GRIN2C: variants seen among roughly 807,000 people sequenced by gnomAD.
The protein encoded by GRIN2C is glutamate receptor ionotropic, NMDA 2C.
In GRIN2C, 64 loss-of-function variants were observed where a neutral mutation model predicts 77.7. The ratio of observed to expected loss-of-function variants is 0.82; its 90% CI spans 0.67 to 1.01. GRIN2C has a LOEUF of 1.01. GRIN2C is among the 50% of genes least tolerant of loss of function. The pLI, the probability that GRIN2C is intolerant of heterozygous loss-of-function variation, is 0.00. For missense variants in GRIN2C, 1,549 were observed against 1,486.0 expected (o/e 1.04, Z -0.70); for synonymous variants, 792 against 643.4 (o/e 1.23, Z -3.49).
At chr17:74,844,890 G>C (rs2037409473) in intron 11 of GRIN2C, among the ~76,000 whole-genome samples, 1 of 152,122 alleles carries the variant, frequency 6.6e-6, no homozygotes, top group Non-Finnish European at 1.5e-5. Flanking sequence ...AAAAGGCCTA[G>C]GCTCCTAAGA....
rs751362353 is a variant in GRIN2C, at chr17:74,846,259, G to A, written c.2163-6C>T. On this transcript the variant is annotated splice_region_variant and splice_polypyrimidine_tract_variant and intron_variant, in intron 10 of 12. Transcript: ENST00000293190. This position sits in a 1 kb window ranked among gnomAD's most constrained non-coding sequence, Gnocchi z 4.4. ...AGATGAAGGCATCCAGCTTCCTGGG[G>A]ACAGGCTGAGCCTCAGAGCTAGGGA... The A allele has an allele frequency of 3.1e-6, 5 of 1,613,596 alleles. No individual in the cohort carries two copies. Among genetic ancestry groups the A allele is most frequent in the Non-Finnish European group, 4.2e-6 (5 of 1,179,628 alleles).
Position 74,842,943 on chromosome 17 carries a change from G to A in GRIN2C, c.3194C>T (p.Ala1065Val). The part of the protein sequence containing the change: ...LGPEQLARRE[A>V]LLHAAWARGS... ...CCGGGCCCAGGCCGCGTGCAGCAGG[G>A]CCTCCCGCCGGGCCAGCTGCTCCGG... Residue 1065 changes from alanine (A) to valine (V), a missense_variant, in exon 13 of 13, where the codon GCC becomes GTC. By Grantham distance (64) the Ala-to-Val change is moderately conservative. Coordinates refer to ENST00000293190, the MANE Select transcript of GRIN2C (RefSeq NM_000835.6). 1.8e-6 allele frequency: 1 copy of A among 557,710 alleles called. No homozygotes were observed. 34.5% of individuals were successfully genotyped at this position (557,710 alleles called of 1,614,324 possible).
At position 74,849,640 on chromosome 17, in the gene GRIN2C, C is replaced by G. The variant is rs2037569203; in HGVS notation, c.1645+140G>C. On this transcript the variant is annotated intron_variant, in intron 7 of 12. Coordinates refer to ENST00000293190, the MANE Select transcript of GRIN2C (RefSeq NM_000835.6). The surrounding 1 kb of genome is among the most constrained non-coding windows in gnomAD (Gnocchi z 4.6). ...TCTCCTGTCTCCTTTCCACTCACCT[C>G]CAGCCAACCTCCAAGACCCAAGGCT... 8 of 752,588 alleles carry G rather than the reference C, an allele frequency of 1.1e-5. No homozygotes were observed. The highest frequency in any genetic ancestry group is 1.5e-5 in the Non-Finnish European group (7 of 462,820). 46.6% of individuals were successfully genotyped at this position (752,588 alleles called of 1,614,324 possible).
upstream of GRIN2C, chr17:74,861,320 C>G (rs1269109190): frequency 2.0e-5 from 3 of 152,218 alleles, no homozygotes; most frequent in Non-Finnish European, 4.4e-5. Flanking sequence ...GGGTCCAACC[C>G]CCCGGGTGTC....
intron 1 of GRIN2C, among the ~76,000 whole-genome samples, chr17:74,856,597 GC>G (rs982228634): frequency 2.0e-5 from 3 of 151,632 alleles, no homozygotes; most frequent in Admixed American, 1.3e-4. Flanking sequence ...TCCTGCCTCG[GC>G]CTCCCAAGTA....
At chr17:74,860,398 G>A, upstream of GRIN2C, 1 of 456,594 alleles carries the variant, frequency 2.2e-6, no homozygotes, top group South Asian at 1.5e-5. Context: ...GAAACCGAGT[G>A]GACGAATGGG....
Position 74,851,643 on chromosome 17 carries a change from A to C in GRIN2C, c.1047T>G (p.Pro349=). 6.3e-7 allele frequency: 1 copy of C among 1,575,076 alleles called. No individual in the cohort carries two copies. The highest frequency in any genetic ancestry group is 8.6e-7 in the Non-Finnish European group (1 of 1,159,482). ...TWEGRDFSFS[P]GGYLVQPTMV... ...TGGTGGGCTGGACCAGGTACCCACCAGGGCTGAAGGAGAAGTCTCGGCCCT... is the reference window on the plus strand; with the variant it reads ...TGGTGGGCTGGACCAGGTACCCACCCGGGCTGAAGGAGAAGTCTCGGCCCT... The change falls in exon 4 of 13, where the codon CCT becomes CCG. Residue 349 remains proline, a synonymous_variant. Coordinates refer to ENST00000293190, the MANE Select transcript of GRIN2C (RefSeq NM_000835.6).
chr17:74,846,899 A>C lies in GRIN2C; in HGVS notation c.2023T>G (p.Tyr675Asp). ...ACCGTGCCGAAGCGGAAAGGTGGGT[A>C]CTGATCTTGAGGCCGCTGAAACTGC... ...DKKFQRPQDQ[Y>D]PPFRFGTVPN... The change falls in exon 10 of 13, where the codon TAC (tyrosine) becomes GAC (aspartate). Residue 675 changes from tyrosine (Y) to aspartate (D), a missense_variant. Coordinates refer to ENST00000293190, the MANE Select transcript of GRIN2C (RefSeq NM_000835.6). The surrounding 1 kb of genome is among the most constrained non-coding windows in gnomAD (Gnocchi z 4.4). 1 of 1,612,388 alleles carries C rather than the reference A, an allele frequency of 6.2e-7. No individual in the cohort carries two copies. Among genetic ancestry groups the C allele is most frequent in the Non-Finnish European group, 8.5e-7 (1 of 1,178,790 alleles).
chr17:74,860,251 G>A (rs1057393116), upstream of GRIN2C, among the ~76,000 whole-genome samples: 1 of 152,256 alleles, frequency 6.6e-6, no homozygotes, highest in South Asian at 2.1e-4. Flanking sequence ...AATACAGCCA[G>A]CGGAATGGTA....
In GRIN2C at chr17:74,844,420, G is replaced by A; in HGVS notation, c.2439C>T (p.Asp813=). The change falls in exon 12 of 13, where the codon GAC becomes GAT. Residue 813 remains aspartate, a synonymous_variant. Transcript: ENST00000293190. The part of the protein sequence containing the change: ...NEVMSSKLDI[D]NMAGVFYMLL... ...GCATGTAGAAGACGCCTGCCATGTT[G>A]TCGATGTCCAGCTTGCTGCTCATCA... 6.2e-7 allele frequency: 1 copy of A among 1,614,234 alleles called. No homozygotes were observed. The highest frequency in any genetic ancestry group is 8.5e-7 in the Non-Finnish European group (1 of 1,180,042).
Position 74,855,112 on chromosome 17 carries a change from G to A in GRIN2C, c.-15-5C>T, listed in dbSNP as rs749103401. 4.4e-5 allele frequency: 69 copies of A among 1,552,614 alleles called. No individual in the cohort carries two copies. Among genetic ancestry groups the A allele is most frequent in the African/African-American group, 6.8e-5 (5 of 73,458 alleles). On this transcript the variant is annotated splice_polypyrimidine_tract_variant and splice_region_variant and intron_variant, in intron 1 of 12. Transcript: ENST00000293190. ...ACCCATGTCCACCGGAGGGTCCTGC[G>A]GAGAGACCAGAACAAGCACAGGGAG...
chr17:74,858,877 C>A (rs940103695), intron 1 of GRIN2C, among the ~76,000 whole-genome samples: 1 of 152,034 alleles, frequency 6.6e-6, no homozygotes, highest in African/African-American at 2.4e-5. Flanking sequence ...GCTGGAATGT[C>A]CTCATCCCAA....
rs2037604301 is a variant in GRIN2C at position 74,850,491 on chromosome 17, CACG to C, written c.1325+62_1325+64del. On this transcript the variant is annotated intron_variant, in intron 5 of 12. Coordinates refer to ENST00000293190, the MANE Select transcript of GRIN2C (RefSeq NM_000835.6). The surrounding 1 kb of genome is among the most constrained non-coding windows in gnomAD (Gnocchi z 5.3). ...GCCCCACACCCAAGCATGGGACATA[CACG>C]ACACCTGACCATCACACGGCAGCAC... 1 of 1,575,768 alleles carries C rather than the reference CACG, an allele frequency of 6.3e-7. No individual in the cohort carries two copies. The highest frequency in any genetic ancestry group is 1.3e-5 in the African/African-American group (1 of 74,122).
At chr17:74,852,707 T>A in intron 2 of GRIN2C, 96 bp from the exon 3 acceptor site, 1 of 539,892 alleles carries the variant, frequency 1.9e-6, no homozygotes. Context: ...CCAGGCGCCC[T>A]TGCGCCGGCG....
Position 74,850,115 on chromosome 17 carries a change from C to A in GRIN2C, c.1491+91G>T. 6.9e-7 allele frequency: 1 copy of A among 1,452,894 alleles called. No individual in the cohort carries two copies. Among genetic ancestry groups the A allele is most frequent in the South Asian group, 1.2e-5 (1 of 83,108 alleles). 90.0% of individuals were successfully genotyped at this position (1,452,894 alleles called of 1,614,324 possible). A position where few individuals can be genotyped will look rare whatever the true frequency, so the allele number is the denominator to read the frequency against. Reference sequence around the variant, plus strand: ...GAGTCATCATTGGTGACAGCCCATGCCCCCCTCTAGAGGGCATCTGAGAGC... The same window carrying A: ...GAGTCATCATTGGTGACAGCCCATGACCCCCTCTAGAGGGCATCTGAGAGC... On this transcript the variant is annotated intron_variant, in intron 6 of 12. Coordinates refer to ENST00000293190, the MANE Select transcript of GRIN2C (RefSeq NM_000835.6). The surrounding 1 kb of genome is among the most constrained non-coding windows in gnomAD (Gnocchi z 5.3).
Position 74,847,309 on chromosome 17 carries a change from T to A in GRIN2C, c.2000A>T (p.Lys667Met). The A allele has an allele frequency of 1.2e-6, 1 of 849,216 alleles. No homozygotes were observed. The highest frequency in any genetic ancestry group is 2.2e-5 in the African/African-American group (1 of 45,248). 52.6% of individuals were successfully genotyped at this position (849,216 alleles called of 1,614,324 possible). A position where few individuals can be genotyped will look rare whatever the true frequency, so the allele number is the denominator to read the frequency against. ...IDTVSGLSDK[K>M]FQRPQDQYPP... ...CCCCAGCAGCTATGGCCCCACAACCTTCTTGTCACTGAGGCCCGACACAGT... is the reference window on the plus strand; with the variant it reads ...CCCCAGCAGCTATGGCCCCACAACCATCTTGTCACTGAGGCCCGACACAGT... The change falls in exon 9 of 13, where the codon AAG becomes ATG. Residue 667 changes from lysine to methionine, a missense_variant and splice_region_variant. This residue lies in a region of GRIN2C where 717 missense variants were observed against 858.1 expected (regional missense o/e 0.84). Coordinates refer to ENST00000293190, the MANE Select transcript of GRIN2C (RefSeq NM_000835.6). The surrounding 1 kb of genome is among the most constrained non-coding windows in gnomAD (Gnocchi z 5.2).
chr17:74,855,194 C>T (rs977868560), intron 1 of GRIN2C, 87 bp from the exon 2 acceptor site: 1 of 1,083,014 alleles, frequency 9.2e-7, no homozygotes, highest in Non-Finnish European at 1.3e-6. Context: ...GAGGGACACA[C>T]ATACGGAAGA....
chr17:74,842,248 G>GC lies in GRIN2C; in HGVS notation c.*186dup, dbSNP rs2037305933. 1.8e-6 allele frequency: 1 copy of GC among 554,840 alleles called. No homozygotes were observed. The highest frequency in any genetic ancestry group is 1.9e-5 in the African/African-American group (1 of 51,670). The allele number at this position is 554,840 out of a possible 1,614,324, so 34.4% of individuals were successfully genotyped here. A position where few individuals can be genotyped will look rare whatever the true frequency, so the allele number is the denominator to read the frequency against. On this transcript the variant is annotated 3_prime_UTR_variant, in exon 13 of 13. Coordinates refer to ENST00000293190, the MANE Select transcript of GRIN2C (RefSeq NM_000835.6). ...TCTGCGTGAGAAGAGGACAGCAAAA[G>GC]CCCAGCCCTCACCATGATTTGAGGC...
At position 74,852,270 on chromosome 17, in the gene GRIN2C, C is replaced by A; in HGVS notation, c.741G>T (p.Gly247=). The A allele has an allele frequency of 7.1e-7, 1 of 1,406,742 alleles. No individual in the cohort carries two copies. Among genetic ancestry groups the A allele is most frequent in the South Asian group, 1.5e-5 (1 of 66,436 alleles). 87.1% of individuals were successfully genotyped at this position (1,406,742 alleles called of 1,614,324 possible). The change falls in exon 3 of 13, where the codon GGG becomes GGT. Residue 247 remains glycine, a synonymous_variant. Coordinates refer to ENST00000293190, the MANE Select transcript of GRIN2C (RefSeq NM_000835.6). ...TGGGCACCAGCCACACGTGGCCGGG[C>A]CCCACCAGACCGGCCTGCGCCGCCT... ...FAEAAQAGLV[G]PGHVWLVPNL...
Sources: allele counts gnomAD v4.1 joint callset (sites outside exome capture counted in the v4.1 genomes callset), GRCh38; gene constraint gnomAD v4.1.1; regional missense constraint gnomAD v4.1.1; non-coding constraint Gnocchi (gnomAD v3.1); transcripts MANE v1.5; gene names NCBI Gene and HGNC (gene_info 2026-07-23, HGNC 2026-07-21).